Variants in ZNF385C observed in about 807,000 individuals in gnomAD.
ZNF385C encodes the protein CTD-2132N18.2.
A neutral mutation model predicts 35.4 loss-of-function variants in ZNF385C; 28 were observed. The observed-to-expected ratio is 0.79, with a 90% CI of 0.59 to 1.08. The LOEUF (loss-of-function observed/expected upper bound fraction) is 1.08, where lower values mean the gene tolerates loss of function less well. Among genes scored for constraint, ZNF385C ranks in the 50% least tolerant of loss-of-function variants. The pLI is 0.00. For synonymous variants in ZNF385C, 248 were observed against 248.2 expected, an observed-to-expected ratio of 1.00 and a Z score of 0.01; for missense variants, 605 against 595.6, an observed-to-expected ratio of 1.02 and a Z score of -0.16.
intron 5 of ZNF385C, among the ~76,000 whole-genome samples, chr17:42,030,014 C>T (rs782162978): frequency 1.3e-5 from 2 of 151,336 alleles, no homozygotes; most frequent in Non-Finnish European, 2.9e-5. Context: ...GGTGACAGAG[C>T]CAGACCCTGT....
At chr17:42,082,333 C>G (rs989132398) in intron 1 of ZNF385C, among the ~76,000 whole-genome samples, 1 of 152,258 alleles carries the variant, frequency 6.6e-6, no homozygotes, top group African/African-American at 2.4e-5. Context: ...CCACCACGCC[C>G]GACCTCTTCC....
intron 2 of ZNF385C, among the ~76,000 whole-genome samples, chr17:42,047,942 C>T (rs1281470927): frequency 6.6e-6 from 1 of 152,086 alleles, no homozygotes; most frequent in African/African-American, 2.4e-5. Context: ...TGTGAGCCAC[C>T]GTGCCTGGCC....
At chr17:42,043,369 G>A in intron 2 of ZNF385C, 4 of 1,232,224 alleles carry the variant, frequency 3.2e-6, no homozygotes, top group Non-Finnish European at 4.0e-6. Flanking sequence ...CTTCCCTGGG[G>A]GCACCATTCT....
At chr17:42,042,686 T>C (rs782548035) in intron 2 of ZNF385C, 24 of 551,866 alleles carry the variant, frequency 4.3e-5, no homozygotes, top group Non-Finnish European at 5.7e-5. Flanking sequence ...ACCAGGGACA[T>C]AGGCTCTCAG....
At chr17:42,034,118 G>A in intron 4 of ZNF385C, 107 bp downstream of exon 4, 1 of 885,518 alleles carries the variant, frequency 1.1e-6, no homozygotes. Context: ...ACCGACCACA[G>A]CCCCTTTGCC....
At chr17:42,038,404 T>C (rs1555655705) in intron 2 of ZNF385C, 8 of 290,110 alleles carry the variant, frequency 2.8e-5, no homozygotes, top group Non-Finnish European at 3.2e-5. Context: ...TCTGAAGGGA[T>C]GTGCTCCCCA....
At chr17:42,083,705 G>GTTT (rs1360873738) in intron 1 of ZNF385C, among the ~76,000 whole-genome samples, 18 of 58,294 alleles carry the variant, frequency 3.1e-4, no homozygotes, top group African/African-American at 7.9e-4. Context: ...TGCTTTTCAA[G>GTTT]TCTTTTTTTT....
intron 1 of ZNF385C, among the ~76,000 whole-genome samples, chr17:42,096,100 C>G (rs188235842): frequency 4.2e-4 from 64 of 152,290 alleles, no homozygotes; most frequent in Middle Eastern, 3.4e-3. Context: ...TGGCCACCCC[C>G]CTTCCTGCTG....
chr17:42,075,846 G>A (rs1245260049), intron 1 of ZNF385C, among the ~76,000 whole-genome samples: 1 of 152,042 alleles, frequency 6.6e-6, no homozygotes, highest in Non-Finnish European at 1.5e-5. Flanking sequence ...ACAGAAAAAG[G>A]GACAGCACAA....
intron 2 of ZNF385C, among the ~76,000 whole-genome samples, chr17:42,049,065 A>G (rs1371078662): frequency 5.9e-5 from 9 of 152,056 alleles, no homozygotes; most frequent in African/African-American, 2.2e-4. Flanking sequence ...TCTGGTGGCC[A>G]CTTGTGTCTC....
chr17:42,027,372 A>G (rs1412986894), intron 8 of ZNF385C, among the ~76,000 whole-genome samples: 2 of 152,058 alleles, frequency 1.3e-5, no homozygotes, highest in African/African-American at 4.8e-5. Context: ...TTTACGGGAT[A>G]GAGATGGTCT....
chr17:42,066,293 C>T (rs941140836), intron 1 of ZNF385C, among the ~76,000 whole-genome samples: 10 of 151,590 alleles, frequency 6.6e-5, no homozygotes, highest in African/African-American at 2.2e-4. Flanking sequence ...CTCTTGACTT[C>T]GTGATCCGCC....
chr17:42,051,352 G>A (rs1489665610), intron 2 of ZNF385C, among the ~76,000 whole-genome samples: 1 of 152,052 alleles, frequency 6.6e-6, no homozygotes, highest in African/African-American at 2.4e-5. Context: ...ATACACAGCC[G>A]ACCCTCATCC....
intron 1 of ZNF385C, among the ~76,000 whole-genome samples, chr17:42,075,774 G>A (rs371394310): frequency 6.6e-6 from 1 of 152,280 alleles, no homozygotes; most frequent in East Asian, 1.9e-4. Context: ...GATTACAGGC[G>A]TGAGCCACTG....
chr17:42,070,619 C>T (rs782053783), intron 1 of ZNF385C, among the ~76,000 whole-genome samples: 1 of 152,158 alleles, frequency 6.6e-6, no homozygotes, highest in Non-Finnish European at 1.5e-5. Flanking sequence ...TGAGGCTCAG[C>T]ATCACAAAGA....
intron 2 of ZNF385C, among the ~76,000 whole-genome samples, chr17:42,059,811 G>A (rs1299787215): frequency 6.6e-6 from 1 of 152,080 alleles, no homozygotes; most frequent in Non-Finnish European, 1.5e-5. Flanking sequence ...TGGTAGAGAC[G>A]GGGTTTCACC....
chr17:42,093,253 G>A (rs2053881798), intron 1 of ZNF385C, among the ~76,000 whole-genome samples: 1 of 151,598 alleles, frequency 6.6e-6, no homozygotes, highest in South Asian at 2.1e-4. Flanking sequence ...CCCGGGGTGG[G>A]TGGGCTGAGC....
intron 1 of ZNF385C, among the ~76,000 whole-genome samples, chr17:42,082,003 C>T (rs2053754393): frequency 6.6e-6 from 1 of 152,214 alleles, no homozygotes; most frequent in Non-Finnish European, 1.5e-5. Flanking sequence ...ATGGGACCAC[C>T]TGCTGCTCCC....
intron 8 of ZNF385C, 137 bp from the exon 9 acceptor site, chr17:42,027,270 C>T: frequency 1.3e-6 from 1 of 764,754 alleles, no homozygotes; most frequent in South Asian, 1.7e-5. Context: ...CCTCCCTTCC[C>T]ACCCCCAAAC....
Sources: allele counts gnomAD v4.1 joint callset (sites outside exome capture counted in the v4.1 genomes callset), GRCh38; gene constraint gnomAD v4.1.1; transcripts MANE v1.5; gene names NCBI Gene and HGNC (gene_info 2026-07-23, HGNC 2026-07-21).